HLCS: variants seen among roughly 807,000 people sequenced by gnomAD.
The protein encoded by HLCS is holocarboxylase synthetase, also known as biotin--protein ligase.
In HLCS, 53 loss-of-function variants were observed where a neutral mutation model predicts 75.0. That is an observed-to-expected ratio of 0.71 (90% confidence interval 0.57 to 0.89). The LOEUF is 0.89. HLCS is among the 40% of genes least tolerant of loss of function. The pLI is 0.00. For synonymous variants in HLCS, 431 were observed against 428.6 expected, an observed-to-expected ratio of 1.01 and a Z score of -0.07; for missense variants, 966 against 1,074.0, an observed-to-expected ratio of 0.90 and a Z score of 1.41.
intron 6 of HLCS, among the ~76,000 whole-genome samples, chr21:36,806,686 G>A (rs2061370411): frequency 6.6e-6 from 1 of 152,220 alleles, no homozygotes; most frequent in South Asian, 2.1e-4. Context: ...AATGGGACGA[G>A]GTAGGGGAAG....
At chr21:36,839,137 G>A (rs1301991849) in intron 6 of HLCS, among the ~76,000 whole-genome samples, 1 of 152,118 alleles carries the variant, frequency 6.6e-6, no homozygotes, top group African/African-American at 2.4e-5. Flanking sequence ...AGATTAAATG[G>A]GATTAAACAC....
chr21:36,865,729 T>C (rs780568723), intron 6 of HLCS, among the ~76,000 whole-genome samples: 6 of 152,250 alleles, frequency 3.9e-5, no homozygotes, highest in Non-Finnish European at 8.8e-5. Context: ...TATTCTGATA[T>C]GGTCTAATAA....
intron 6 of HLCS, among the ~76,000 whole-genome samples, chr21:36,868,814 A>G (rs1387019307): frequency 6.6e-6 from 1 of 152,148 alleles, no homozygotes; most frequent in Non-Finnish European, 1.5e-5. Context: ...AGTTGTCCCC[A>G]TCTCAGGGTC....
chr21:36,887,618 C>T (rs2064527652), intron 6 of HLCS, among the ~76,000 whole-genome samples: 1 of 152,060 alleles, frequency 6.6e-6, no homozygotes, highest in Non-Finnish European at 1.5e-5. Flanking sequence ...TCAGTCACAA[C>T]CGTTGCCAAA....
chr21:36,939,726 T>G (rs929796221), intron 2 of HLCS, among the ~76,000 whole-genome samples: 2 of 152,168 alleles, frequency 1.3e-5, no homozygotes, highest in Admixed American at 6.5e-5. Flanking sequence ...CCATGCTCTC[T>G]CTGAGGGTTC....
At chr21:36,952,629 T>C (rs1023075068) in intron 2 of HLCS, among the ~76,000 whole-genome samples, 10 of 151,804 alleles carry the variant, frequency 6.6e-5, no homozygotes, top group African/African-American at 1.9e-4. Flanking sequence ...CCGTCTCTAC[T>C]AAAAATAAAA....
At chr21:36,981,395 C>CTTTTTTTTTTTT (rs11328067) in intron 1 of HLCS, among the ~76,000 whole-genome samples, 1 of 91,280 alleles carries the variant, frequency 1.1e-5, no homozygotes. Context: ...CTTAACCTTC[C>CTTTTTTTTTTTT]TTTTTTTTTT....
At chr21:36,770,702 C>CT (rs2060178258) in intron 6 of HLCS, among the ~76,000 whole-genome samples, 1 of 151,778 alleles carries the variant, frequency 6.6e-6, no homozygotes, top group Non-Finnish European at 1.5e-5. Flanking sequence ...TCCTGAATAG[C>CT]TGGGACCACT....
intron 6 of HLCS, among the ~76,000 whole-genome samples, chr21:36,853,993 G>A (rs182855884): frequency 6.6e-6 from 1 of 152,224 alleles, no homozygotes; most frequent in African/African-American, 2.4e-5. Context: ...GTTCTATGGG[G>A]AAGAATGGAA....
At chr21:36,873,084 A>G (rs2063826531) in intron 6 of HLCS, among the ~76,000 whole-genome samples, 1 of 152,038 alleles carries the variant, frequency 6.6e-6, no homozygotes, top group South Asian at 2.1e-4. Context: ...GATATTGTTA[A>G]GGATTATTAC....
intron 6 of HLCS, among the ~76,000 whole-genome samples, chr21:36,800,459 G>C (rs975170775): frequency 6.6e-6 from 1 of 152,304 alleles, no homozygotes; most frequent in East Asian, 1.9e-4. Flanking sequence ...CAGTCACAAG[G>C]AAAGCTGAGG....
Position 36,966,432 on chromosome 21 carries a change from C to T in HLCS, c.195+12G>A. 12 of 865,114 alleles carry T rather than the reference C, an allele frequency of 1.4e-5. No homozygotes were observed. Among genetic ancestry groups the T allele is most frequent in the Non-Finnish European group, 1.7e-5 (12 of 720,846 alleles). The allele number at this position is 865,114 out of a possible 1,614,324, so 53.6% of individuals were successfully genotyped here. On this transcript the variant is annotated intron_variant, in intron 1 of 10. Transcript: ENST00000674895. Reference sequence around the variant, plus strand: ...GCGGGGCCCGGGTCGCCCGCCCGCCCGACCCGCCCACCTGGCTGTCGCTGA... The same window carrying T: ...GCGGGGCCCGGGTCGCCCGCCCGCCTGACCCGCCCACCTGGCTGTCGCTGA...
In HLCS at chr21:36,937,053, A is replaced by T; in HGVS notation, c.833T>A (p.Leu278His). 6.2e-7 allele frequency: 1 copy of T among 1,614,130 alleles called. No individual in the cohort carries two copies. The highest frequency in any genetic ancestry group is 8.5e-7 in the Non-Finnish European group (1 of 1,180,010). Residue 278 changes from leucine to histidine, a missense_variant, in exon 4 of 11, where the codon CTT becomes CAT. By Grantham distance (99) the Leu-to-His change is moderately conservative. Transcript: ENST00000674895. ...KFASAENIPDLPYDYSSSLES... is the reference protein window; with the variant it reads ...KFASAENIPDHPYDYSSSLES... ...CAAACTGCTGCTATAATCGTAGGGA[A>T]GGTCTGGAATGTTCTCGGCAGACGC...
At chr21:36,893,554 C>T (rs2064881185) in intron 6 of HLCS, among the ~76,000 whole-genome samples, 3 of 152,156 alleles carry the variant, frequency 2.0e-5, no homozygotes, top group Admixed American at 6.5e-5. Context: ...TTGTGGAAGA[C>T]AGTTTGTCCA....
At chr21:36,804,010 C>T (rs1239490708) in intron 6 of HLCS, 3 of 152,306 alleles carry the variant, frequency 2.0e-5, no homozygotes, top group African/African-American at 7.2e-5. Context: ...TGCTTCATTA[C>T]ACCAAGACAC....
intron 6 of HLCS, among the ~76,000 whole-genome samples, chr21:36,864,038 T>A (rs763328296): frequency 1.3e-5 from 2 of 152,266 alleles, no homozygotes; most frequent in Non-Finnish European, 2.9e-5. Context: ...GAAACTATTA[T>A]ATCACTCTTG....
intron 2 of HLCS, among the ~76,000 whole-genome samples, chr21:36,957,884 G>A (rs1485852270): frequency 3.4e-5 from 5 of 147,264 alleles, no homozygotes; most frequent in Admixed American, 2.1e-4. Context: ...AGCCGAGATC[G>A]CGCCACTGCA....
intron 5 of HLCS, among the ~76,000 whole-genome samples, chr21:36,926,036 C>CA (rs2066392565): frequency 6.6e-6 from 1 of 152,228 alleles, no homozygotes; most frequent in African/African-American, 2.4e-5. Context: ...GCCTGTCACC[C>CA]ACTGGTGGCG....
chr21:36,923,981 T>C (rs958845911), intron 5 of HLCS, among the ~76,000 whole-genome samples: 1 of 152,220 alleles, frequency 6.6e-6, no homozygotes, highest in Non-Finnish European at 1.5e-5. Flanking sequence ...TAGCTGCCTT[T>C]AGCCGGTGCC....
Sources: allele counts gnomAD v4.1 joint callset (sites outside exome capture counted in the v4.1 genomes callset), GRCh38; gene constraint gnomAD v4.1.1; transcripts MANE v1.5; gene names NCBI Gene and HGNC (gene_info 2026-07-23, HGNC 2026-07-21).